C2CD5: variants seen among roughly 807,000 people sequenced by gnomAD.
C2CD5 encodes C2 calcium dependent domain containing 5.
C2CD5 carries 109 observed loss-of-function variants against 130.3 expected under a neutral mutation model. The observed-to-expected ratio is 0.84, with a 90% CI of 0.72 to 0.98. The LOEUF is 0.98. Ranked by LOEUF, C2CD5 falls within the 50% of genes least tolerant of loss-of-function variation. The probability of loss-of-function intolerance (pLI) is 0.00; values close to 1 mark genes in which losing one functional copy is unlikely to be tolerated. For synonymous variants in C2CD5, 454 were observed against 429.2 expected (o/e 1.06, Z -0.71); for missense variants, 996 against 1,261.8 (o/e 0.79, Z 3.19).
chr12:22,529,613 G>A (rs914757375), intron 3 of C2CD5, among the ~76,000 whole-genome samples: 1 of 152,124 alleles, frequency 6.6e-6, no homozygotes, highest in African/African-American at 2.4e-5. Flanking sequence ...AGCCTATCTG[G>A]AATCGCAAAA....
intron 22 of C2CD5, among the ~76,000 whole-genome samples, chr12:22,461,055 T>G (rs1941045785): frequency 6.6e-6 from 1 of 152,154 alleles, no homozygotes; most frequent in Non-Finnish European, 1.5e-5. Flanking sequence ...TCCTCCTGAT[T>G]CAGGATCTTG....
At chr12:22,490,080 C>A in intron 12 of C2CD5, 43 bp downstream of exon 12, 1 of 1,460,664 alleles carries the variant, frequency 6.8e-7, no homozygotes, top group Non-Finnish European at 9.6e-7. Context: ...CGACCTCTCC[C>A]TTCTCTGCCC....
intron 22 of C2CD5, among the ~76,000 whole-genome samples, chr12:22,468,420 G>A (rs1446027664): frequency 2.0e-5 from 3 of 152,050 alleles, no homozygotes; most frequent in Admixed American, 6.6e-5. Context: ...GTCTCACTGT[G>A]TTGCCCAGGC....
chr12:22,471,142 G>A (rs183580792), intron 20 of C2CD5, among the ~76,000 whole-genome samples: 177 of 152,032 alleles, frequency 1.2e-3, no homozygotes, highest in Non-Finnish European at 2.0e-3. Flanking sequence ...TCTAAAAAAT[G>A]GGAACTGGTG....
At chr12:22,520,947 A>G (rs1423049964) in intron 7 of C2CD5, among the ~76,000 whole-genome samples, 3 of 152,146 alleles carry the variant, frequency 2.0e-5, no homozygotes, top group Non-Finnish European at 4.4e-5. Context: ...TTAAAATTCA[A>G]ATACACTGGA....
At chr12:22,469,672 C>T (rs762317405) in intron 22 of C2CD5, 37 bp downstream of exon 22, 5 of 1,303,456 alleles carry the variant, frequency 3.8e-6, no homozygotes, top group African/African-American at 1.5e-5. Flanking sequence ...AACTAGAAAC[C>T]AGGATTTGTG....
At chr12:22,510,536 T>C (rs1949072021) in intron 9 of C2CD5, among the ~76,000 whole-genome samples, 1 of 151,364 alleles carries the variant, frequency 6.6e-6, no homozygotes, top group Admixed American at 6.5e-5. Flanking sequence ...TTAAATCAAA[T>C]ACTCTTTTTA....
At chr12:22,523,743 T>G (rs1359058921) in intron 6 of C2CD5, 119 bp from the exon 7 acceptor site, 1 of 730,070 alleles carries the variant, frequency 1.4e-6, no homozygotes, top group Non-Finnish European at 2.3e-6. Context: ...TTTTCAGAAC[T>G]TGAAGGAAAC....
chr12:22,523,872 T>C (rs1171244267), intron 6 of C2CD5, among the ~76,000 whole-genome samples: 2 of 150,518 alleles, frequency 1.3e-5, no homozygotes, highest in Non-Finnish European at 2.9e-5. Context: ...TAAAAACAAA[T>C]ATATTTGCTA....
chr12:22,489,193 T>C (rs536086150), intron 12 of C2CD5, among the ~76,000 whole-genome samples: 1 of 151,850 alleles, frequency 6.6e-6, no homozygotes, highest in Non-Finnish European at 1.5e-5. Flanking sequence ...CCTTTCTTAA[T>C]ATATACTTAA....
At chr12:22,468,134 T>C (rs16924970) in intron 22 of C2CD5, among the ~76,000 whole-genome samples, 3,071 of 151,450 alleles carry the variant, frequency 0.02, 100 homozygotes, top group African/African-American at 0.07. Flanking sequence ...CTAGAAGTGA[T>C]TTGGAACTAA....
At chr12:22,520,144 C>A (rs1262756577) in intron 7 of C2CD5, among the ~76,000 whole-genome samples, 1 of 151,926 alleles carries the variant, frequency 6.6e-6, no homozygotes, top group Non-Finnish European at 1.5e-5. Flanking sequence ...AAATAAGAAT[C>A]CTGAATTTAA....
At chr12:22,529,124 C>T (rs746366048) in intron 3 of C2CD5, among the ~76,000 whole-genome samples, 18 of 152,060 alleles carry the variant, frequency 1.2e-4, no homozygotes, top group African/African-American at 2.9e-4. Flanking sequence ...AACAGTAGAA[C>T]GTAGACAGCT....
At chr12:22,540,935 T>G (rs1405525622) in intron 2 of C2CD5, among the ~76,000 whole-genome samples, 1 of 152,170 alleles carries the variant, frequency 6.6e-6, no homozygotes, top group Non-Finnish European at 1.5e-5. Context: ...ATTTTTTAAT[T>G]GTAAGGATAT....
chr12:22,531,468 G>A (rs1004220642), intron 3 of C2CD5, among the ~76,000 whole-genome samples: 4 of 152,176 alleles, frequency 2.6e-5, no homozygotes, highest in Non-Finnish European at 4.4e-5. Context: ...TGAGAGTGCG[G>A]AAATAAATCC....
chr12:22,487,077 T>A (rs1045082810), intron 12 of C2CD5, among the ~76,000 whole-genome samples: 3 of 152,150 alleles, frequency 2.0e-5, no homozygotes, highest in African/African-American at 7.2e-5. Context: ...AAGACTTAAA[T>A]GTTAGACCTA....
intron 8 of C2CD5, among the ~76,000 whole-genome samples, chr12:22,516,539 G>C (rs112255296): frequency 3.3e-5 from 5 of 149,772 alleles, no homozygotes; most frequent in African/African-American, 1.2e-4. Context: ...ATCTTCTTTA[G>C]GCTTGGCCTT....
intron 12 of C2CD5, among the ~76,000 whole-genome samples, chr12:22,487,526 G>A (rs537717425): frequency 2.0e-5 from 3 of 152,178 alleles, no homozygotes; most frequent in Non-Finnish European, 4.4e-5. Context: ...CAGTTAGAAT[G>A]GTGATCATTA....
chr12:22,492,908 G>A (rs555731660), intron 11 of C2CD5, among the ~76,000 whole-genome samples: 6 of 152,214 alleles, frequency 3.9e-5, no homozygotes, highest in African/African-American at 1.4e-4. Context: ...CATACTAAAG[G>A]AAGCCTAGAG....
Sources: allele counts gnomAD v4.1 joint callset (sites outside exome capture counted in the v4.1 genomes callset), GRCh38; gene constraint gnomAD v4.1.1; transcripts MANE v1.5; gene names NCBI Gene and HGNC (gene_info 2026-07-23, HGNC 2026-07-21).